The following GALNTL6 variants were observed in gnomAD, a reference collection of about 807,000 sequenced individuals.
The protein encoded by GALNTL6 is polypeptide N-acetylgalactosaminyltransferase-like 6.
GALNTL6 carries 46 observed loss-of-function variants against 73.7 expected under a neutral mutation model. The observed-to-expected ratio is 0.62, with a 90% confidence interval of 0.49 to 0.80. The LOEUF is 0.80. Ranked by LOEUF, GALNTL6 falls within the 30% of genes least tolerant of loss-of-function variation. The pLI, the probability that GALNTL6 is intolerant of heterozygous loss-of-function variation, is 0.00. For missense variants in GALNTL6, 604 were observed against 755.0 expected (o/e 0.80, Z 2.34); for synonymous variants, 259 against 263.7 (o/e 0.98, Z 0.17).
chr4:172,029,967 G>C (rs1487885755), intron 2 of GALNTL6, among the ~76,000 whole-genome samples: 1 of 151,978 alleles, frequency 6.6e-6, no homozygotes, highest in Non-Finnish European at 1.5e-5. Flanking sequence ...CCCTTATTAG[G>C]TATATATGTG....
chr4:172,476,427 A>G (rs1402456039), intron 5 of GALNTL6, among the ~76,000 whole-genome samples: 1 of 152,224 alleles, frequency 6.6e-6, no homozygotes, highest in African/African-American at 2.4e-5. Flanking sequence ...TGCAGTGGAC[A>G]TGAACATTCA....
rs115910084 is a variant in GALNTL6 at position 172,922,690 on chromosome 4, T to C, written c.1042-8471T>C. Among the ~76,000 whole-genome samples the C allele has an allele frequency of 6.3e-3, 966 of 152,284 alleles. 10 individuals are homozygous for C. Among genetic ancestry groups the C allele is most frequent in the African/African-American group, 0.022 (901 of 41,540 alleles). ...TCCACATAAGTAGAAGCACTAAGTA[T>C]AATTGAAAGAAGAAGCCACCATATT... On this transcript the variant is annotated intron_variant, in intron 8 of 12. Transcript: ENST00000506823.
rs138364472 is a variant in GALNTL6, at chr4:171,938,655, A to T, written c.138+123937A>T. On this transcript the variant is annotated intron_variant, in intron 2 of 12. Transcript: ENST00000506823. The stretch of plus-strand genomic sequence containing the variant: ...TGTGACTAAAGTGAAGATAAGACAC[A>T]CTCTTTCTCTTAAAACCAATGTTTA... Among the ~76,000 whole-genome samples, 975 of 152,268 alleles carry T rather than the reference A, an allele frequency of 6.4e-3. 10 individuals are homozygous for T. Among genetic ancestry groups the T allele is most frequent in the African/African-American group, 0.018 (752 of 41,554 alleles).
At chr4:172,768,439 G>A (rs1471971912) in intron 5 of GALNTL6, among the ~76,000 whole-genome samples, 5 of 152,088 alleles carry the variant, frequency 3.3e-5, no homozygotes, top group South Asian at 2.1e-4. Flanking sequence ...TTGTGAGAAC[G>A]AATTCAAGAA....
chr4:172,258,209 G>T (rs1384464850), intron 3 of GALNTL6, among the ~76,000 whole-genome samples: 1 of 151,250 alleles, frequency 6.6e-6, no homozygotes, highest in Non-Finnish European at 1.5e-5. Context: ...TTTACACTAA[G>T]CCTACAATTA....
At chr4:172,061,681 C>T (rs1263072408) in intron 2 of GALNTL6, among the ~76,000 whole-genome samples, 1 of 151,634 alleles carries the variant, frequency 6.6e-6, no homozygotes, top group Non-Finnish European at 1.5e-5. Flanking sequence ...TTTCTGTTAC[C>T]TACCCATTGT....
At chr4:172,375,539 A>T (rs1201689420) in intron 5 of GALNTL6, among the ~76,000 whole-genome samples, 1 of 152,092 alleles carries the variant, frequency 6.6e-6, no homozygotes, top group African/African-American at 2.4e-5. Context: ...CAGTCCCTGG[A>T]CCCTGCTGAT....
At chr4:172,126,765 C>T (rs534786985) in intron 2 of GALNTL6, among the ~76,000 whole-genome samples, 143 of 152,264 alleles carry the variant, frequency 9.4e-4, no homozygotes, top group African/African-American at 3.3e-3. Context: ...CAGGTACAGC[C>T]ATATTGAAAG....
At chr4:172,160,888 A>T (rs1734439638) in intron 2 of GALNTL6, among the ~76,000 whole-genome samples, 1 of 118,152 alleles carries the variant, frequency 8.5e-6, no homozygotes, top group Non-Finnish European at 1.8e-5. Flanking sequence ...ATATATATAT[A>T]TAGACACACA....
At chr4:172,707,294 T>A (rs1262675290) in intron 5 of GALNTL6, among the ~76,000 whole-genome samples, 2 of 152,212 alleles carry the variant, frequency 1.3e-5, no homozygotes, top group Non-Finnish European at 2.9e-5. Context: ...CTCAGAAGAT[T>A]CTGCCAAGTA....
intron 2 of GALNTL6, among the ~76,000 whole-genome samples, chr4:171,822,159 A>G (rs1433456244): frequency 6.6e-6 from 1 of 152,194 alleles, no homozygotes; most frequent in Non-Finnish European, 1.5e-5. Flanking sequence ...AATCTTGGCC[A>G]TGAGTTTGGC....
chr4:172,183,389 T>C (rs1417038864), intron 2 of GALNTL6, among the ~76,000 whole-genome samples: 3 of 152,198 alleles, frequency 2.0e-5, no homozygotes, highest in African/African-American at 7.2e-5. Context: ...TGAACTTAGC[T>C]GTCAGAATCG....
chr4:172,713,795 TGTC>T (rs1385951994), intron 5 of GALNTL6, among the ~76,000 whole-genome samples: 3 of 152,164 alleles, frequency 2.0e-5, no homozygotes, highest in Non-Finnish European at 1.5e-5. Flanking sequence ...CCAACTCTGT[TGTC>T]ATCGTTTTAG....
intron 5 of GALNTL6, among the ~76,000 whole-genome samples, chr4:172,605,250 G>A (rs964194332): frequency 6.6e-6 from 1 of 152,134 alleles, no homozygotes; most frequent in Non-Finnish European, 1.5e-5. Context: ...TATAGGAAAA[G>A]TATGAGGATT....
intron 2 of GALNTL6, among the ~76,000 whole-genome samples, chr4:171,914,352 CA>C (rs1237606252): frequency 6.8e-6 from 1 of 147,330 alleles, no homozygotes; most frequent in Non-Finnish European, 1.5e-5. Flanking sequence ...AAAGGAAAAA[CA>C]AAACCAACTT....
At chr4:172,291,896 T>C (rs1739489894) in intron 3 of GALNTL6, among the ~76,000 whole-genome samples, 1 of 152,150 alleles carries the variant, frequency 6.6e-6, no homozygotes, top group Admixed American at 6.6e-5. Flanking sequence ...AAGTCATGTA[T>C]TTAAAAGATA....
chr4:172,652,392 C>G (rs982083173), intron 5 of GALNTL6, among the ~76,000 whole-genome samples: 1 of 152,100 alleles, frequency 6.6e-6, no homozygotes, highest in Non-Finnish European at 1.5e-5. Flanking sequence ...TTGCATTAGT[C>G]GAAGCCAAAA....
intron 4 of GALNTL6, among the ~76,000 whole-genome samples, chr4:172,326,361 C>T (rs1205799522): frequency 2.0e-5 from 3 of 151,902 alleles, no homozygotes; most frequent in Non-Finnish European, 4.4e-5. Context: ...TATCAACTTT[C>T]GCTTCATATT....
At chr4:172,688,255 G>T (rs902543247) in intron 5 of GALNTL6, among the ~76,000 whole-genome samples, 5 of 152,198 alleles carry the variant, frequency 3.3e-5, no homozygotes, top group Non-Finnish European at 7.3e-5. Context: ...TTGCTACTTT[G>T]CCCAAGTTTG....
Sources: allele counts gnomAD v4.1 joint callset (sites outside exome capture counted in the v4.1 genomes callset), GRCh38; gene constraint gnomAD v4.1.1; transcripts MANE v1.5; gene names NCBI Gene and HGNC (gene_info 2026-07-23, HGNC 2026-07-21).